Variants in CSNK2A2 observed in about 807,000 individuals in gnomAD.
CSNK2A2 encodes casein kinase 2 alpha 2.
CSNK2A2 carries 8 observed loss-of-function variants against 54.0 expected under a neutral mutation model. The ratio of observed to expected loss-of-function variants is 0.15; its 90% CI spans 0.09 to 0.27. The LOEUF (loss-of-function observed/expected upper bound fraction) is 0.27. Ranked by LOEUF, CSNK2A2 falls within the 10% of genes least tolerant of loss-of-function variation. CSNK2A2 has a pLI of 1.00. For synonymous variants in CSNK2A2, 141 were observed against 153.9 expected, an observed-to-expected ratio of 0.92 and a Z score of 0.62; for missense variants, 242 against 439.4, an observed-to-expected ratio of 0.55 and a Z score of 4.02.
Position 58,158,190 on chromosome 16 carries a change from G to A in CSNK2A2, c.*181C>T, listed in dbSNP as rs893766278. ...TGAGCCTTTTACATTCGGAAGTGAG[G>A]TTTGATATACGGTGGTGGGCTGCCC... On this transcript the variant is annotated 3_prime_UTR_variant, in exon 12 of 12. Coordinates refer to ENST00000262506, the MANE Select transcript of CSNK2A2 (RefSeq NM_001896.4). 2 of 152,660 alleles carry A rather than the reference G, an allele frequency of 1.3e-5. No homozygotes were observed. The highest frequency in any genetic ancestry group is 2.9e-5 in the Non-Finnish European group (2 of 68,056). The allele number at this position is 152,660 out of a possible 1,614,324, so 9.5% of individuals were successfully genotyped here.
chr16:58,185,079 T>C (rs750075603), intron 3 of CSNK2A2, among the ~76,000 whole-genome samples: 6 of 152,136 alleles, frequency 3.9e-5, no homozygotes, highest in Non-Finnish European at 8.8e-5. Flanking sequence ...GATTCCTTAA[T>C]TGAAGTAAAA....
intron 2 of CSNK2A2, among the ~76,000 whole-genome samples, chr16:58,194,360 AG>A (rs1597127173): frequency 6.6e-6 from 1 of 152,368 alleles, no homozygotes; most frequent in East Asian, 1.9e-4. Flanking sequence ...CTTTTTAAAA[AG>A]TAATACTTTT....
intron 11 of CSNK2A2, 140 bp from the exon 12 acceptor site, chr16:58,158,493 C>T (rs1439925433): frequency 6.6e-6 from 1 of 152,280 alleles, no homozygotes. Context: ...CCTGTGAGAA[C>T]TCGCTGAGTT....
intron 4 of CSNK2A2, among the ~76,000 whole-genome samples, chr16:58,181,831 C>T (rs11647503): frequency 0.08 from 12,152 of 152,002 alleles, 646 homozygotes; most frequent in South Asian, 0.17. Flanking sequence ...GGGACCCATA[C>T]GAAGGCACGT....
intron 5 of CSNK2A2, among the ~76,000 whole-genome samples, chr16:58,173,353 G>A (rs1961791369): frequency 6.6e-6 from 1 of 152,096 alleles, no homozygotes; most frequent in Non-Finnish European, 1.5e-5. Flanking sequence ...TCATAGAACT[G>A]TTCTTAAGAT....
intron 2 of CSNK2A2, among the ~76,000 whole-genome samples, chr16:58,191,005 A>G (rs999428195): frequency 3.9e-5 from 6 of 152,260 alleles, no homozygotes; most frequent in Non-Finnish European, 8.8e-5. Context: ...GGCTAACAAA[A>G]TGTGGTATAT....
intron 2 of CSNK2A2, 124 bp downstream of exon 2, chr16:58,196,601 ACTCTGACT>A (rs1202045074): frequency 1.5e-6 from 1 of 685,222 alleles, no homozygotes; most frequent in Non-Finnish European, 2.7e-6. Context: ...ACAGAGTGAG[ACTCTGACT>A]CTAAACAAAT....
At chr16:58,175,021 T>C (rs1426919939) in intron 4 of CSNK2A2, among the ~76,000 whole-genome samples, 1 of 152,162 alleles carries the variant, frequency 6.6e-6, no homozygotes, top group Non-Finnish European at 1.5e-5. Flanking sequence ...TGCTATAGCA[T>C]TTGCAGATGG....
chr16:58,166,807 C>G (rs2142411681), intron 8 of CSNK2A2, 123 bp from the exon 9 acceptor site: 1 of 690,508 alleles, frequency 1.4e-6, no homozygotes, highest in East Asian at 2.7e-5. Context: ...GAGATACAAA[C>G]CCAGGTCCAG....
intron 4 of CSNK2A2, among the ~76,000 whole-genome samples, chr16:58,183,970 C>G (rs1043929762): frequency 6.6e-6 from 1 of 152,186 alleles, no homozygotes; most frequent in African/African-American, 2.4e-5. Flanking sequence ...TAACATACAA[C>G]TAAAGCTATG....
chr16:58,196,277 G>A (rs1039272282), intron 2 of CSNK2A2, among the ~76,000 whole-genome samples: 13 of 152,152 alleles, frequency 8.5e-5, no homozygotes, highest in Non-Finnish European at 1.3e-4. Context: ...GGGAAAATGG[G>A]GTGGAAAAAG....
intron 5 of CSNK2A2, among the ~76,000 whole-genome samples, chr16:58,171,751 GA>G (rs1442334981): frequency 1.3e-5 from 2 of 151,684 alleles, no homozygotes; most frequent in Non-Finnish European, 2.9e-5. Flanking sequence ...CTGAGCACCT[GA>G]AATGTGCCTA....
At chr16:58,185,109 T>C in intron 3 of CSNK2A2, among the ~76,000 whole-genome samples, 1 of 151,806 alleles carries the variant, frequency 6.6e-6, no homozygotes, top group East Asian at 1.9e-4. Context: ...TTGGCAGTAA[T>C]AAGCTTTCAA....
chr16:58,176,810 A>G (rs1961891460), intron 4 of CSNK2A2, among the ~76,000 whole-genome samples: 1 of 152,138 alleles, frequency 6.6e-6, no homozygotes, highest in Non-Finnish European at 1.5e-5. Context: ...TAAGAACACA[A>G]TGTCCCCAGA....
chr16:58,182,415 C>T (rs942258721), intron 4 of CSNK2A2, among the ~76,000 whole-genome samples: 2 of 127,716 alleles, frequency 1.6e-5, no homozygotes, highest in African/African-American at 6.1e-5. Flanking sequence ...ACTAGCCAGG[C>T]GTGGTGGTGC....
chr16:58,161,942 G>C (rs1320928068), intron 11 of CSNK2A2: 2 of 152,256 alleles, frequency 1.3e-5, no homozygotes, highest in Non-Finnish European at 2.9e-5. Context: ...CCGTCAGAGA[G>C]ACAGGCAGAG....
At position 58,198,024 on chromosome 16, in the gene CSNK2A2, A is replaced by AGGCGGC. The variant is rs1322308644; in HGVS notation, c.-294_-289dup. On this transcript the variant is annotated 5_prime_UTR_variant, in exon 1 of 12. Coordinates refer to ENST00000262506, the MANE Select transcript of CSNK2A2 (RefSeq NM_001896.4). ...CTCCGCTCGGCTCGCGGCCCCCAGG[A>AGGCGGC]GGCGGCGGCGGCGGCACCGGCAGCG... The AGGCGGC allele has an allele frequency of 3.8e-5, 5 of 130,690 alleles. No individual in the cohort carries two copies. Among genetic ancestry groups the AGGCGGC allele is most frequent in the South Asian group, 2.1e-4 (1 of 4,872 alleles). 8.1% of individuals were successfully genotyped at this position (130,690 alleles called of 1,614,324 possible). A position where few individuals can be genotyped will look rare whatever the true frequency, so the allele number is the denominator to read the frequency against.
intron 5 of CSNK2A2, among the ~76,000 whole-genome samples, chr16:58,172,922 T>C (rs2550354): frequency 0.3 from 45,882 of 152,108 alleles, 7,246 homozygotes; most frequent in African/African-American, 0.39. Context: ...CCTGCATTAG[T>C]TGGATGTCTT....
chr16:58,178,713 A>G (rs1171788523), intron 4 of CSNK2A2, among the ~76,000 whole-genome samples: 2 of 152,278 alleles, frequency 1.3e-5, no homozygotes, highest in Middle Eastern at 3.4e-3. Flanking sequence ...GGCATATATG[A>G]AGCATAAAAA....
Sources: allele counts gnomAD v4.1 joint callset (sites outside exome capture counted in the v4.1 genomes callset), GRCh38; gene constraint gnomAD v4.1.1; transcripts MANE v1.5; gene names NCBI Gene and HGNC (gene_info 2026-07-23, HGNC 2026-07-21).